Variants in GIP observed in about 807,000 individuals in gnomAD.
GIP encodes the protein glucose-dependent insulinotropic polypeptide.
Under a neutral mutation model 18.1 loss-of-function variants are expected in GIP, and 16 were observed. That is an observed-to-expected ratio of 0.88 (90% CI 0.60 to 1.34). The LOEUF (loss-of-function observed/expected upper bound fraction) is 1.34. Among genes scored for constraint, GIP ranks in the 40% most tolerant of loss-of-function variants. The pLI, the probability that GIP is intolerant of heterozygous loss-of-function variation, is 0.00. For missense variants in GIP, 192 were observed against 183.4 expected (o/e 1.05, Z -0.27); for synonymous variants, 76 against 74.0 (o/e 1.03, Z -0.14).
intron 2 of GIP, among the ~76,000 whole-genome samples, chr17:48,966,161 A>G (rs1469483755): frequency 6.7e-6 from 1 of 149,618 alleles, no homozygotes; most frequent in East Asian, 2.0e-4. Context: ...GGGAGGCTAA[A>G]GCAGAGAATT....
intron 5 of GIP, among the ~76,000 whole-genome samples, chr17:48,959,691 C>G (rs998040413): frequency 2.0e-5 from 3 of 152,196 alleles, no homozygotes; most frequent in Admixed American, 1.3e-4. Flanking sequence ...TTCCCATCAC[C>G]AGGAAGGTGC....
Position 48,965,138 on chromosome 17 carries a change from C to CAAAAAAAAAAAAAA in GIP, c.87-659_87-658insTTTTTTTTTTTTTT, listed in dbSNP as rs33956589. On this transcript the variant is annotated intron_variant, in intron 2 of 5. Coordinates refer to ENST00000357424, the MANE Select transcript of GIP (RefSeq NM_004123.3). ...TGGGAGACAGAGCGAGACTCCGTCT[C>CAAAAAAAAAAAAAA]AAAAAAAAAAAAATTAGCCAGGCGT... Among the ~76,000 whole-genome samples, 21 of 109,612 alleles carry CAAAAAAAAAAAAAA rather than the reference C, an allele frequency of 1.9e-4. 5 individuals carry two copies. The highest frequency in any genetic ancestry group is 1.0e-3 in the East Asian group (4 of 4,016). The allele number at this position is 109,612 out of a possible 152,430, so 71.9% of individuals were successfully genotyped here.
Position 48,961,625 on chromosome 17 carries a change from T to G in GIP, c.350+102A>C, listed in dbSNP as rs1170787485. ...AACTCTGAGAGGAAGAGGATGCTTA[T>G]CTCAGGTCCTTGCTCTGCTCTGGGG... On this transcript the variant is annotated intron_variant, in intron 4 of 5. Transcript: ENST00000357424. 47 of 713,746 alleles carry G rather than the reference T, an allele frequency of 6.6e-5. No individual in the cohort carries two copies. The East Asian group carries it at 1.2e-3, about 18-fold the overall frequency. The allele number at this position is 713,746 out of a possible 1,614,324, so 44.2% of individuals were successfully genotyped here. A position where few individuals can be genotyped will look rare whatever the true frequency, so the allele number is the denominator to read the frequency against.
chr17:48,964,159 CAAAAAAA>C (rs11380752), intron 3 of GIP, 144 bp downstream of exon 3: 20 of 357,598 alleles, frequency 5.6e-5, no homozygotes, highest in Middle Eastern at 8.1e-4. Context: ...GACTCCATCT[CAAAAAAA>C]AAAAAAAAAA....
intron 2 of GIP, among the ~76,000 whole-genome samples, chr17:48,966,570 A>G: frequency 6.6e-6 from 1 of 151,904 alleles, no homozygotes; most frequent in East Asian, 1.9e-4. Context: ...CCAAAAAAAA[A>G]GAAAAAGAAA....
At chr17:48,966,612 G>A (rs1047458075) in intron 2 of GIP, among the ~76,000 whole-genome samples, 1 of 151,124 alleles carries the variant, frequency 6.6e-6, no homozygotes, top group African/African-American at 2.4e-5. Flanking sequence ...GCATTCATAA[G>A]CCTGGGTAAC....
intron 3 of GIP, among the ~76,000 whole-genome samples, chr17:48,962,132 C>T (rs558890801): frequency 6.6e-6 from 1 of 152,278 alleles, no homozygotes; most frequent in South Asian, 2.1e-4. Context: ...TGCAGGGGCA[C>T]CATCTCAGCT....
intron 3 of GIP, 141 bp downstream of exon 3, chr17:48,964,169 A>AG: frequency 1.7e-6 from 1 of 579,036 alleles, no homozygotes; most frequent in Admixed American, 2.9e-5. Context: ...CAAAAAAAAA[A>AG]AAAAAAAAGA....
At chr17:48,967,093 C>T in intron 2 of GIP, 54 bp downstream of exon 2, 2 of 1,305,310 alleles carry the variant, frequency 1.5e-6, no homozygotes, top group Non-Finnish European at 2.2e-6. Context: ...AATCCAGAAC[C>T]TGTCATCCCC....
intron 3 of GIP, 74 bp downstream of exon 3, chr17:48,964,236 G>A: frequency 2.6e-6 from 3 of 1,150,738 alleles, no homozygotes; most frequent in South Asian, 2.7e-5. Context: ...TGTGGCCACA[G>A]CCGGTGGCCT....
intron 2 of GIP, among the ~76,000 whole-genome samples, chr17:48,966,667 C>T (rs1001334309): frequency 1.3e-5 from 2 of 151,852 alleles, no homozygotes; most frequent in Admixed American, 6.6e-5. Flanking sequence ...ACTAGCCGAG[C>T]GTGGTGGTAC....
chr17:48,963,841 CA>C (rs60257330), intron 3 of GIP, among the ~76,000 whole-genome samples: 20 of 35,870 alleles, frequency 5.6e-4, no homozygotes, highest in East Asian at 3.4e-3. Context: ...AACTCTGTCT[CA>C]AAAAAAAAAA....
At chr17:48,962,287 C>A (rs562730463) in intron 3 of GIP, among the ~76,000 whole-genome samples, 1 of 152,042 alleles carries the variant, frequency 6.6e-6, no homozygotes, top group African/African-American at 2.4e-5. Context: ...CGAATGAACT[C>A]GTGAGCTCAA....
Position 48,961,064 on chromosome 17 carries a change from C to T in GIP, c.351-77G>A, listed in dbSNP as rs529180673. The T allele has an allele frequency of 3.0e-4, 282 of 936,934 alleles. 1 individual carries two copies. In the East Asian group the frequency reaches 5.3e-3, roughly 17 times the overall value. 58.0% of individuals were successfully genotyped at this position (936,934 alleles called of 1,614,324 possible). ...GAGGGTAAACACAGGGTTGGGGACA[C>T]CACTGAGGGGCAGCCGCGGATGGGG... On this transcript the variant is annotated intron_variant, in intron 4 of 5. Transcript: ENST00000357424.
At chr17:48,959,077 A>G (rs1453547179) in intron 5 of GIP, among the ~76,000 whole-genome samples, 4 of 151,782 alleles carry the variant, frequency 2.6e-5, no homozygotes, top group African/African-American at 9.7e-5. Flanking sequence ...GATGGTCTCG[A>G]TCTCCTGACC....
chr17:48,963,432 G>A (rs140933334), intron 3 of GIP, among the ~76,000 whole-genome samples: 176 of 151,694 alleles, frequency 1.2e-3, no homozygotes, highest in African/African-American at 3.9e-3. Flanking sequence ...TGAGGTGGGC[G>A]GATCACGAGG....
intron 2 of GIP, among the ~76,000 whole-genome samples, chr17:48,966,173 C>T (rs1255821074): frequency 6.7e-6 from 1 of 149,008 alleles, no homozygotes; most frequent in Admixed American, 6.8e-5. Flanking sequence ...CAGAGAATTG[C>T]TTGAACCCGG....
intron 3 of GIP, among the ~76,000 whole-genome samples, chr17:48,964,052 C>T (rs1184376349): frequency 3.4e-5 from 5 of 147,518 alleles, no homozygotes; most frequent in Non-Finnish European, 7.4e-5. Context: ...CCCAGCTACT[C>T]AGGAGGCTGA....
chr17:48,963,358 C>G (rs2041211669), intron 3 of GIP, among the ~76,000 whole-genome samples: 1 of 151,804 alleles, frequency 6.6e-6, no homozygotes, highest in Non-Finnish European at 1.5e-5. Context: ...CCCGTCTCTA[C>G]TAAAAATACA....
Sources: allele counts gnomAD v4.1 joint callset (sites outside exome capture counted in the v4.1 genomes callset), GRCh38; gene constraint gnomAD v4.1.1; transcripts MANE v1.5; gene names NCBI Gene and HGNC (gene_info 2026-07-23, HGNC 2026-07-21).